Variants in MRPS18B observed in about 807,000 individuals in gnomAD.
The protein encoded by MRPS18B is small ribosomal subunit protein mS40.
Under a neutral mutation model 28.4 loss-of-function variants are expected in MRPS18B, and 27 were observed. That is an observed-to-expected ratio of 0.95 (90% CI 0.70 to 1.31). MRPS18B has a LOEUF of 1.31. Among genes scored for constraint, MRPS18B ranks in the 40% most tolerant of loss-of-function variants. The pLI is 0.00. For synonymous variants in MRPS18B, 118 were observed against 123.7 expected (o/e 0.95, Z 0.30); for missense variants, 343 against 335.9 (o/e 1.02, Z -0.17).
At chr6:30,618,214 C>T (rs543498103) in intron 1 of MRPS18B, among the ~76,000 whole-genome samples, 2 of 152,238 alleles carry the variant, frequency 1.3e-5, no homozygotes, top group African/African-American at 4.8e-5. Flanking sequence ...CACCCTCAGT[C>T]ATGCATAACC....
rs1275258965 is a variant in MRPS18B at position 30,622,867 on chromosome 6, C to T, written c.390C>T (p.His130=). 1.2e-6 allele frequency: 2 copies of T among 1,613,000 alleles called. No individual in the cohort carries two copies. Among genetic ancestry groups the T allele is most frequent in the Admixed American group, 3.3e-5 (2 of 60,002 alleles). ...VKLLEQFVCA[H]TGIIFYAPYT... is the part of the protein sequence containing the mutation. ...TCTTGGAGCAATTTGTCTGCGCCCA[C>T]ACGGGTATCATCTTCTATGCTCCAT... Residue 130 remains histidine (H), a synonymous_variant, in exon 5 of 7, where the codon CAC becomes CAT. Transcript: ENST00000259873.
At position 30,622,820 on chromosome 6, in the gene MRPS18B, T is replaced by A. The variant is rs1393997925; in HGVS notation, c.355-12T>A. The A allele has an allele frequency of 1.2e-5, 19 of 1,612,812 alleles. No individual in the cohort carries two copies. The highest frequency in any genetic ancestry group is 1.5e-5 in the Non-Finnish European group (18 of 1,179,870). On this transcript the variant is annotated splice_polypyrimidine_tract_variant and intron_variant, in intron 4 of 6. Transcript: ENST00000259873. ...TCTTTTCCTCACGTTTCTCTACCACTTTCCCCCACAGAACGTGAAGCTCTT... is the reference window on the plus strand; with the variant it reads ...TCTTTTCCTCACGTTTCTCTACCACATTCCCCCACAGAACGTGAAGCTCTT...
rs747846566 is a variant in MRPS18B at position 30,617,919 on chromosome 6, C to T, written c.54C>T (p.Leu18=). 2.5e-6 allele frequency: 4 copies of T among 1,614,218 alleles called. No individual in the cohort carries two copies. The highest frequency in any genetic ancestry group is 2.2e-5 in the East Asian group (1 of 44,888). Residue 18 remains leucine (L), a synonymous_variant, in exon 1 of 7, where the codon CTC becomes CTT. Transcript: ENST00000259873. ...TVLRRLPMLS[L]FRGSHRVQVP... ...TGAGGCGGCTTCCTATGCTATCTCT[C>T]TTCCGAGGTTCTCACAGAGTTCAGG...
rs1760997532 is a variant in MRPS18B, at chr6:30,619,537, T to G, written c.123T>G (p.Asp41Glu). The stretch of plus-strand genomic sequence containing the variant: ...GCACCAAAGCTCCCTCTGAGGAAGA[T>G]TCTTTGTCCTCAGTTCCCATTTCTC... ...TLCTKAPSEEDSLSSVPISPY... is the reference protein window; with the variant it reads ...TLCTKAPSEEESLSSVPISPY... The change falls in exon 2 of 7, where the codon GAT becomes GAG. Residue 41 changes from aspartate to glutamate, a missense_variant. Asp to Glu is a conservative substitution (Grantham distance 45, BLOSUM62 2). Coordinates refer to ENST00000259873, the MANE Select transcript of MRPS18B (RefSeq NM_014046.4). The G allele has an allele frequency of 6.2e-7, 1 of 1,613,062 alleles. No individual in the cohort carries two copies. Among genetic ancestry groups the G allele is most frequent in the Non-Finnish European group, 8.5e-7 (1 of 1,180,010 alleles).
chr6:30,618,694 T>C (rs946952228), intron 1 of MRPS18B: 5 of 152,182 alleles, frequency 3.3e-5, no homozygotes, highest in Admixed American at 3.3e-4. Flanking sequence ...AAACTAGCGT[T>C]AGGACTCAAG....
At chr6:30,621,129 C>T (rs1485151744) in intron 4 of MRPS18B, among the ~76,000 whole-genome samples, 1 of 152,208 alleles carries the variant, frequency 6.6e-6, no homozygotes. Flanking sequence ...TGGCTGGGTG[C>T]GGCGGCCCAT....
chr6:30,624,491 G>A (rs1241022610), intron 5 of MRPS18B, among the ~76,000 whole-genome samples: 3 of 152,214 alleles, frequency 2.0e-5, no homozygotes, highest in African/African-American at 7.2e-5. Context: ...TGTAAAGGCT[G>A]AAGGGACTAT....
chr6:30,617,981 G>A (rs1250921099), intron 1 of MRPS18B, 38 bp downstream of exon 1: 6 of 1,608,446 alleles, frequency 3.7e-6, no homozygotes, highest in Non-Finnish European at 5.1e-6. Flanking sequence ...ACCTCAAGTT[G>A]GTTATACCTT....
intron 5 of MRPS18B, 52 bp downstream of exon 5, chr6:30,622,950 T>C (rs1661176210): frequency 1.3e-6 from 2 of 1,570,414 alleles, no homozygotes; most frequent in South Asian, 2.2e-5. Context: ...TGGCATGCCT[T>C]GTTTATGTAG....
chr6:30,618,183 G>T (rs1760858391), intron 1 of MRPS18B, among the ~76,000 whole-genome samples: 1 of 149,722 alleles, frequency 6.7e-6, no homozygotes, highest in African/African-American at 2.5e-5. Context: ...AATAACTTAA[G>T]TGATGGAATT....
intron 4 of MRPS18B, among the ~76,000 whole-genome samples, chr6:30,620,610 C>T (rs546659863): frequency 6.6e-6 from 1 of 151,552 alleles, no homozygotes; most frequent in Non-Finnish European, 1.5e-5. Flanking sequence ...TACTCTGTTG[C>T]CAAGGCTGGA....
rs1250091171 is a variant in MRPS18B, at chr6:30,619,918, C to T, written c.286-3C>T. Reference sequence around the variant, plus strand: ...TTAACTGCTGTTTTTTTTCTCTCTACAGCGTCGGAATAAAGTTGTTGGGAA... The same window carrying T: ...TTAACTGCTGTTTTTTTTCTCTCTATAGCGTCGGAATAAAGTTGTTGGGAA... On this transcript the variant is annotated splice_region_variant and splice_polypyrimidine_tract_variant and intron_variant, in intron 3 of 6. Transcript: ENST00000259873. The T allele has an allele frequency of 2.5e-6, 4 of 1,614,130 alleles. No homozygotes were observed. The African/African-American group carries it at 4.0e-5, about 16-fold the overall frequency.
rs765420149 is a variant in MRPS18B at position 30,617,942 on chromosome 6, A to G, written c.77A>G (p.Gln26Arg). Residue 26 changes from glutamine (Q) to arginine (R), a missense_variant and splice_region_variant, in exon 1 of 7, where the codon CAG becomes CGG. Physicochemically the swap from Gln to Arg is conservative, Grantham distance 43 (BLOSUM62 1). Coordinates refer to ENST00000259873, the MANE Select transcript of MRPS18B (RefSeq NM_014046.4). ...CTCTTCCGAGGTTCTCACAGAGTTCAGGTAACTCTTCGAAAGACATTTTGC... is the reference window on the plus strand; with the variant it reads ...CTCTTCCGAGGTTCTCACAGAGTTCGGGTAACTCTTCGAAAGACATTTTGC... ...LSLFRGSHRV[Q>R]VPLQTLCTKA... 92 of 1,614,056 alleles carry G rather than the reference A, an allele frequency of 5.7e-5. No individual in the cohort carries two copies. The highest frequency in any genetic ancestry group is 7.7e-5 in the Non-Finnish European group (91 of 1,180,018).
chr6:30,620,559 G>A (rs979158518), intron 4 of MRPS18B, among the ~76,000 whole-genome samples: 1 of 151,872 alleles, frequency 6.6e-6, no homozygotes, highest in African/African-American at 2.4e-5. Context: ...TAAATTGGCA[G>A]GTAAGAGAAA....
rs1464406022 is a variant in MRPS18B at position 30,622,879 on chromosome 6, C to G, written c.402C>G (p.Ile134Met). The change falls in exon 5 of 7, where the codon ATC becomes ATG. Residue 134 changes from isoleucine (I) to methionine (M), a missense_variant. By Grantham distance (10) the Ile-to-Met change is conservative. Transcript: ENST00000259873. ...TTGTCTGCGCCCACACGGGTATCAT[C>G]TTCTATGCTCCATACACAGGTTAGC... ...EQFVCAHTGI[I>M]FYAPYTGVCV... 2.5e-6 allele frequency: 4 copies of G among 1,613,038 alleles called. No homozygotes were observed. The highest frequency in any genetic ancestry group is 1.3e-5 in the African/African-American group (1 of 75,014).
intron 1 of MRPS18B, among the ~76,000 whole-genome samples, chr6:30,618,852 CTTACT>C (rs1322720955): frequency 6.6e-6 from 1 of 152,192 alleles, no homozygotes. Flanking sequence ...TATCCTTCCT[CTTACT>C]TTATTCTTCC....
rs1182534523 is a variant in MRPS18B, at chr6:30,625,589, C to A, written c.569C>A (p.Ala190Asp). 6.2e-7 allele frequency: 1 copy of A among 1,611,740 alleles called. No individual in the cohort carries two copies. Among genetic ancestry groups the A allele is most frequent in the Non-Finnish European group, 8.5e-7 (1 of 1,179,002 alleles). ...SHGAVSATPPAPTLVSGDPWY... is the reference protein window; with the variant it reads ...SHGAVSATPPDPTLVSGDPWY... Reference sequence around the variant, plus strand: ...GGGGCTGTGAGTGCTACTCCGCCAGCCCCCACCCTGGTCTCAGGTGACCCC... The same window carrying A: ...GGGGCTGTGAGTGCTACTCCGCCAGACCCCACCCTGGTCTCAGGTGACCCC... The change falls in exon 7 of 7, where the codon GCC becomes GAC. Residue 190 changes from alanine (A) to aspartate (D), a missense_variant. Physicochemically the swap from Ala to Asp is moderately radical, Grantham distance 126 (BLOSUM62 -2). Transcript: ENST00000259873.
Position 30,619,908 on chromosome 6 carries a change from T to C in MRPS18B, c.286-13T>C. On this transcript the variant is annotated splice_polypyrimidine_tract_variant and intron_variant, in intron 3 of 6. Transcript: ENST00000259873. ...TTGAACATCCTTAACTGCTGTTTTTTTTCTCTCTACAGCGTCGGAATAAAG... is the reference window on the plus strand; with the variant it reads ...TTGAACATCCTTAACTGCTGTTTTTCTTCTCTCTACAGCGTCGGAATAAAG... 2 of 1,614,170 alleles carry C rather than the reference T, an allele frequency of 1.2e-6. No individual in the cohort carries two copies. Among genetic ancestry groups the C allele is most frequent in the Non-Finnish European group, 1.7e-6 (2 of 1,179,960 alleles).
intron 5 of MRPS18B, among the ~76,000 whole-genome samples, chr6:30,623,963 GT>G (rs972200730): frequency 2.6e-4 from 40 of 152,182 alleles, no homozygotes; most frequent in African/African-American, 9.6e-4. Flanking sequence ...GTTTCTCCAT[GT>G]TGGTCAGGCT....
Sources: gnomAD v4.1 joint callset for allele counts (sites outside exome capture counted in the v4.1 genomes callset) on GRCh38, gnomAD v4.1.1 for gene constraint, MANE v1.5 for transcripts, NCBI Gene and HGNC (gene_info 2026-07-23, HGNC 2026-07-21) for gene names.